PTPN13: variants seen among roughly 807,000 people sequenced by gnomAD.
PTPN13 encodes tyrosine-protein phosphatase non-receptor type 13.
PTPN13 carries 191 observed loss-of-function variants against 284.0 expected under a neutral mutation model. That is an observed-to-expected ratio of 0.67 (90% CI 0.60 to 0.76). PTPN13 has a LOEUF of 0.76. Among genes scored for constraint, PTPN13 ranks in the 30% least tolerant of loss-of-function variants. The probability of loss-of-function intolerance (pLI) is 0.00; values close to 1 mark genes in which losing one functional copy is unlikely to be tolerated. For synonymous variants in PTPN13, 986 were observed against 1,022.3 expected (o/e 0.96, Z 0.68); for missense variants, 2,797 against 2,939.9 (o/e 0.95, Z 1.12).
intron 1 of PTPN13, among the ~76,000 whole-genome samples, chr4:86,621,692 G>A (rs964433683): frequency 3.3e-5 from 5 of 152,108 alleles, no homozygotes; most frequent in Non-Finnish European, 7.4e-5. Flanking sequence ...ATAGAGTAAA[G>A]CACTGCATTA....
intron 7 of PTPN13, among the ~76,000 whole-genome samples, chr4:86,713,320 G>A (rs1732650406): frequency 6.6e-6 from 1 of 152,010 alleles, no homozygotes; most frequent in Non-Finnish European, 1.5e-5. Context: ...TAAAACAAAT[G>A]TACTTTGGTG....
rs1206270429 is a variant in PTPN13 at position 86,779,092 on chromosome 4, A to T, written c.5892-1310A>T. On this transcript the variant is annotated intron_variant, in intron 35 of 47. Transcript: ENST00000411767. ...AAAAAAAAAAAAAAGATGACAAAGA[A>T]AAACAGAGATAATATTGGAGATGTC... is the stretch of plus-strand genomic sequence containing the variant. Among the ~76,000 whole-genome samples, 3 of 151,968 alleles carry T rather than the reference A, an allele frequency of 2.0e-5. No individual in the cohort carries two copies. In the East Asian group the frequency reaches 5.8e-4, roughly 29 times the overall value.
chr4:86,601,486 ATAT>A (rs1215387772), intron 1 of PTPN13, among the ~76,000 whole-genome samples: 3 of 152,112 alleles, frequency 2.0e-5, no homozygotes. Flanking sequence ...AATTTAGAAT[ATAT>A]TATTCTCTAA....
At position 86,640,268 on chromosome 4, in the gene PTPN13, A is replaced by G. The variant is rs185982358; in HGVS notation, c.115+4897A>G. ...TTAACCAAAAATCTGGGTGTTTTAA[A>G]TAAACATTATTTCTTTGTTTGCTTC... On this transcript the variant is annotated intron_variant, in intron 2 of 47. Transcript: ENST00000411767. 2.0e-5 allele frequency among the ~76,000 whole-genome samples: 3 copies of G among 152,328 alleles called. No homozygotes were observed. The East Asian group carries it at 5.8e-4, about 29-fold the overall frequency.
chr4:86,799,600 G>GATT (rs2149361166), intron 42 of PTPN13, among the ~76,000 whole-genome samples: 1 of 151,950 alleles, frequency 6.6e-6, no homozygotes, highest in East Asian at 1.9e-4. Flanking sequence ...AAAGTGCTGG[G>GATT]ATTACAGGCA....
chr4:86,730,887 G>A (rs10025930), intron 10 of PTPN13, among the ~76,000 whole-genome samples: 12,393 of 152,134 alleles, frequency 0.081, 642 homozygotes, highest in Non-Finnish European at 0.11. Context: ...CTTCTGTGTC[G>A]ATCACACTGG....
At chr4:86,736,371 C>T (rs1735509458) in intron 15 of PTPN13, among the ~76,000 whole-genome samples, 2 of 152,104 alleles carry the variant, frequency 1.3e-5, no homozygotes, top group East Asian at 1.9e-4. Flanking sequence ...AGATAGTGTT[C>T]TGTTGAAAAG....
At chr4:86,601,740 G>T (rs1369764454) in intron 1 of PTPN13, among the ~76,000 whole-genome samples, 2 of 152,104 alleles carry the variant, frequency 1.3e-5, no homozygotes, top group African/African-American at 4.8e-5. Context: ...GAATACTGCT[G>T]TTCTTCCACC....
Position 86,709,753 on chromosome 4 carries a change from G to A in PTPN13, c.1196-6777G>A, listed in dbSNP as rs148459703. ...AAAGAGTGATACAGTGAGCCTAGCC[G>A]ATGTCACAGCCCAGCTATGTGGCTA... On this transcript the variant is annotated intron_variant, in intron 7 of 47. Transcript: ENST00000411767. Among the ~76,000 whole-genome samples, 196 of 152,262 alleles carry A rather than the reference G, an allele frequency of 1.3e-3. 1 individual carries two copies. The Middle Eastern group carries it at 0.014, about 11-fold the overall frequency.
intron 20 of PTPN13, among the ~76,000 whole-genome samples, chr4:86,754,664 TCTCCCTG>T (rs1737774167): frequency 6.6e-6 from 1 of 152,044 alleles, no homozygotes; most frequent in Non-Finnish European, 1.5e-5. Flanking sequence ...AAGTATTATT[TCTCCCTG>T]CTAAACTTTT....
intron 2 of PTPN13, among the ~76,000 whole-genome samples, chr4:86,650,454 G>T (rs183583721): frequency 6.6e-6 from 1 of 152,254 alleles, no homozygotes. Context: ...TGGGACTACA[G>T]ACATGTGTCA....
intron 10 of PTPN13, among the ~76,000 whole-genome samples, chr4:86,723,124 A>G (rs903092114): frequency 2.6e-5 from 4 of 152,160 alleles, no homozygotes; most frequent in Non-Finnish European, 4.4e-5. Context: ...CAACTTCTAC[A>G]TTATTGTTAG....
chr4:86,651,427 C>G (rs534921736), intron 2 of PTPN13, among the ~76,000 whole-genome samples: 1 of 152,006 alleles, frequency 6.6e-6, no homozygotes, highest in East Asian at 1.9e-4. Context: ...CCGTCCTTCC[C>G]TCCCTTCCTT....
chr4:86,735,302 G>A (rs911561875), intron 14 of PTPN13, among the ~76,000 whole-genome samples: 1 of 152,170 alleles, frequency 6.6e-6, no homozygotes. Context: ...GAAGCAAGGG[G>A]CTAGAAGCTG....
At chr4:86,643,639 A>T (rs1273457640) in intron 2 of PTPN13, among the ~76,000 whole-genome samples, 1 of 152,160 alleles carries the variant, frequency 6.6e-6, no homozygotes, top group Non-Finnish European at 1.5e-5. Flanking sequence ...TAAAAGAAAA[A>T]AGTGTGTATG....
chr4:86,648,527 G>A (rs1264558164), intron 2 of PTPN13, among the ~76,000 whole-genome samples: 4 of 152,020 alleles, frequency 2.6e-5, no homozygotes, highest in African/African-American at 9.7e-5. Flanking sequence ...ATGTGCTCCC[G>A]TTCCATCCAT....
intron 10 of PTPN13, among the ~76,000 whole-genome samples, chr4:86,727,593 A>G (rs1227754135): frequency 6.7e-6 from 1 of 149,130 alleles, no homozygotes; most frequent in Non-Finnish European, 1.5e-5. Context: ...TTTCTAGTTT[A>G]TTTGCATAGA....
intron 1 of PTPN13, among the ~76,000 whole-genome samples, chr4:86,602,391 GA>G (rs1437147160): frequency 6.6e-6 from 1 of 152,140 alleles, no homozygotes; most frequent in African/African-American, 2.4e-5. Flanking sequence ...GTTAATACAT[GA>G]AAAGCACTTA....
intron 46 of PTPN13, among the ~76,000 whole-genome samples, chr4:86,810,250 T>C (rs1745079182): frequency 6.6e-6 from 1 of 152,204 alleles, no homozygotes; most frequent in African/African-American, 2.4e-5. Context: ...AGGCCTTTTA[T>C]GCAGTATTTC....
Sources: gnomAD v4.1 joint callset for allele counts (sites outside exome capture counted in the v4.1 genomes callset) on GRCh38, gnomAD v4.1.1 for gene constraint, MANE v1.5 for transcripts, NCBI Gene and HGNC (gene_info 2026-07-23, HGNC 2026-07-21) for gene names.